The following USP32 variants were observed in gnomAD, a reference collection of about 807,000 sequenced individuals.
USP32 encodes the protein ubiquitin carboxyl-terminal hydrolase 32.
USP32 carries 59 observed loss-of-function variants against 204.8 expected under a neutral mutation model. The ratio of observed to expected loss-of-function variants is 0.29; its 90% CI spans 0.23 to 0.36. USP32 has a LOEUF of 0.36. USP32 is among the 10% of genes least tolerant of loss of function. The pLI is 1.00. For missense variants in USP32, 1,160 were observed against 1,946.4 expected (o/e 0.60, Z 7.60); for synonymous variants, 517 against 678.4 (o/e 0.76, Z 3.70).
intron 3 of USP32, among the ~76,000 whole-genome samples, chr17:60,300,833 C>T (rs1159939854): frequency 6.6e-6 from 1 of 152,180 alleles, no homozygotes; most frequent in Non-Finnish European, 1.5e-5. Flanking sequence ...TACCCATTAG[C>T]AGTTGTTCTC....
intron 12 of USP32, among the ~76,000 whole-genome samples, chr17:60,231,082 T>C (rs1192674295): frequency 6.6e-6 from 1 of 152,208 alleles, no homozygotes; most frequent in Non-Finnish European, 1.5e-5. Context: ...GAGTCAACAA[T>C]TCACAAAAGG....
At position 60,271,418 on chromosome 17, in the gene USP32, G is replaced by C. The variant is rs2086721845; in HGVS notation, c.635C>G (p.Thr212Ser). The change falls in exon 6 of 34, where the codon ACT becomes AGT. Residue 212 changes from threonine to serine, a missense_variant. Physicochemically the swap from Thr to Ser is moderately conservative, Grantham distance 58 (BLOSUM62 1). This residue lies in a region of USP32 where 536 missense variants were observed against 680.9 expected (regional missense o/e 0.79). Coordinates refer to ENST00000300896, the MANE Select transcript of USP32 (RefSeq NM_032582.4). ...RYWLLKAQSR[T>S]GRFDLETFGP... ...AAATGTCTCTAAATCAAATCGTCCAGTCCGGGATTGAGCCTTCAATAACCA... is the reference window on the plus strand; with the variant it reads ...AAATGTCTCTAAATCAAATCGTCCACTCCGGGATTGAGCCTTCAATAACCA... 1 of 1,614,036 alleles carries C rather than the reference G, an allele frequency of 6.2e-7. No homozygotes were observed. The highest frequency in any genetic ancestry group is 8.5e-7 in the Non-Finnish European group (1 of 1,180,032).
intron 1 of USP32, among the ~76,000 whole-genome samples, chr17:60,415,961 T>C (rs537361338): frequency 6.6e-6 from 1 of 152,244 alleles, no homozygotes; most frequent in South Asian, 2.1e-4. Flanking sequence ...TGCCTCAGCC[T>C]CCTGAGTAGC....
intron 5 of USP32, among the ~76,000 whole-genome samples, chr17:60,276,529 A>C (rs10438754): frequency 0.022 from 3,274 of 152,242 alleles, 136 homozygotes; most frequent in African/African-American, 0.075. Flanking sequence ...AAAAAATCTA[A>C]CCCTGAAACA....
chr17:60,362,225 CT>C (rs2089223661), intron 1 of USP32, among the ~76,000 whole-genome samples: 1 of 152,118 alleles, frequency 6.6e-6, no homozygotes, highest in Non-Finnish European at 1.5e-5. Context: ...AAATTCTGCT[CT>C]TTTCTAACAG....
At chr17:60,393,432 T>C (rs1220409009), upstream of USP32, among the ~76,000 whole-genome samples, 1 of 152,122 alleles carries the variant, frequency 6.6e-6, no homozygotes, top group Non-Finnish European at 1.5e-5. Context: ...AGAAACCAAA[T>C]GGGGTGTATA....
chr17:60,238,629 C>T (rs939719358), intron 11 of USP32, among the ~76,000 whole-genome samples: 1 of 151,906 alleles, frequency 6.6e-6, no homozygotes, highest in East Asian at 1.9e-4. Flanking sequence ...ATGGTGAAAC[C>T]CCGTCTCTAC....
intron 12 of USP32, among the ~76,000 whole-genome samples, chr17:60,232,937 C>T (rs2085612577): frequency 6.6e-6 from 1 of 152,198 alleles, no homozygotes; most frequent in Non-Finnish European, 1.5e-5. Context: ...ATCTGCCAGG[C>T]ACTGGGCTAA....
intron 12 of USP32, among the ~76,000 whole-genome samples, chr17:60,233,698 AC>A (rs2085634991): frequency 6.6e-6 from 1 of 152,204 alleles, no homozygotes; most frequent in African/African-American, 2.4e-5. Flanking sequence ...TCTAATTAAA[AC>A]ATGTTCAGAG....
In USP32 at chr17:60,222,562, A is replaced by G. The variant is rs1463088169; in HGVS notation, c.1609-13T>C. On this transcript the variant is annotated splice_polypyrimidine_tract_variant and intron_variant, in intron 14 of 33. Transcript: ENST00000300896. ...TTAATGATGTAGCCTGAGAAAGAAT[A>G]GAATGACAATGTTGACTTTCAATAT... The G allele has an allele frequency of 6.2e-7, 1 of 1,610,746 alleles. No homozygotes were observed. Among genetic ancestry groups the G allele is most frequent in the South Asian group, 1.1e-5 (1 of 90,784 alleles).
At chr17:60,276,966 T>TATATATATATATATATAA (rs60544670) in intron 5 of USP32, among the ~76,000 whole-genome samples, 68 of 149,874 alleles carry the variant, frequency 4.5e-4, no homozygotes, top group African/African-American at 1.6e-3. Flanking sequence ...TATATATATA[T>TATATATATATATATATAA]AAAATTACCA....
intron 4 of USP32, among the ~76,000 whole-genome samples, chr17:60,294,433 T>C (rs752281958): frequency 1.9e-4 from 29 of 151,082 alleles, no homozygotes; most frequent in Non-Finnish European, 3.2e-4. Flanking sequence ...TGTGAGTATA[T>C]AGAATTGTGT....
At position 60,226,065 on chromosome 17, in the gene USP32, G is replaced by A; in HGVS notation, c.1406C>T (p.Ser469Phe). 1 of 1,604,810 alleles carries A rather than the reference G, an allele frequency of 6.2e-7. No individual in the cohort carries two copies. Among genetic ancestry groups the A allele is most frequent in the African/African-American group, 1.3e-5 (1 of 74,392 alleles). The change falls in exon 13 of 34, where the codon TCT becomes TTT. Residue 469 changes from serine (S) to phenylalanine (F), a missense_variant. This residue lies in a region of USP32 where 536 missense variants were observed against 680.9 expected (regional missense o/e 0.79). Transcript: ENST00000300896. ...EKFSDNISTA[S>F]EASETAGSGF... ...GCTGCCAGCAGTTTCTGAGGCTTCA[G>A]ATGCAGTAGAAATGTTGTCTGAAAA...
intron 12 of USP32, among the ~76,000 whole-genome samples, chr17:60,228,710 G>A (rs932983814): frequency 2.0e-5 from 3 of 151,964 alleles, no homozygotes; most frequent in Admixed American, 2.0e-4. Flanking sequence ...TTAGTCCCCA[G>A]TAACTTGAGA....
At chr17:60,318,020 C>G (rs1469293832) in intron 2 of USP32, among the ~76,000 whole-genome samples, 1 of 152,240 alleles carries the variant, frequency 6.6e-6, no homozygotes, top group East Asian at 1.9e-4. Flanking sequence ...AAAAAACAGC[C>G]AACTGGCTTT....
At chr17:60,402,662 G>A (rs1055495492) in intron 1 of USP32, among the ~76,000 whole-genome samples, 6 of 152,208 alleles carry the variant, frequency 3.9e-5, no homozygotes, top group Non-Finnish European at 8.8e-5. Context: ...ATTCTGGGTT[G>A]TCATTGCTTC....
chr17:60,381,335 G>A (rs2089643245), intron 1 of USP32, among the ~76,000 whole-genome samples: 2 of 152,060 alleles, frequency 1.3e-5, no homozygotes, highest in African/African-American at 4.8e-5. Context: ...CAGACACTTG[G>A]GAGGCTGAGA....
intron 12 of USP32, among the ~76,000 whole-genome samples, chr17:60,228,241 C>T (rs2085447860): frequency 6.6e-6 from 1 of 152,088 alleles, no homozygotes; most frequent in South Asian, 2.1e-4. Flanking sequence ...GCCTCAAACT[C>T]CTGAACACAA....
chr17:60,311,385 C>T (rs776363051), intron 2 of USP32, among the ~76,000 whole-genome samples: 1 of 152,188 alleles, frequency 6.6e-6, no homozygotes, highest in Non-Finnish European at 1.5e-5. Context: ...AATGATCTCA[C>T]TAGCCTCCTT....
Sources: allele counts gnomAD v4.1 joint callset (sites outside exome capture counted in the v4.1 genomes callset), GRCh38; gene constraint gnomAD v4.1.1; regional missense constraint gnomAD v4.1.1; transcripts MANE v1.5; gene names NCBI Gene and HGNC (gene_info 2026-07-23, HGNC 2026-07-21).